The following ST6GALNAC5 variants were observed in gnomAD, a reference collection of about 807,000 sequenced individuals.
ST6GALNAC5 encodes alpha-N-acetylgalactosaminide alpha-2,6-sialyltransferase 5.
In ST6GALNAC5, 27 loss-of-function variants were observed where a neutral mutation model predicts 33.6. The observed-to-expected ratio is 0.80, with a 90% CI of 0.59 to 1.11. The LOEUF (loss-of-function observed/expected upper bound fraction) is 1.11, where lower values mean the gene tolerates loss of function less well. ST6GALNAC5 is among the 50% of genes least tolerant of loss of function. The pLI is 0.00. For synonymous variants in ST6GALNAC5, 194 were observed against 171.2 expected (o/e 1.13, Z -1.04); for missense variants, 428 against 454.0 (o/e 0.94, Z 0.52).
At chr1:76,889,152 A>G (rs2100246145) in intron 2 of ST6GALNAC5, among the ~76,000 whole-genome samples, 1 of 152,192 alleles carries the variant, frequency 6.6e-6, no homozygotes, top group African/African-American at 2.4e-5. Flanking sequence ...GATTTAATTA[A>G]TATCTTTATC....
At chr1:76,908,341 T>C (rs980516096) in intron 2 of ST6GALNAC5, among the ~76,000 whole-genome samples, 6 of 152,096 alleles carry the variant, frequency 3.9e-5, no homozygotes, top group African/African-American at 1.2e-4. Flanking sequence ...CCTCACATAG[T>C]GGAAGGGGCA....
chr1:76,932,303 G>T (rs1378946043), intron 2 of ST6GALNAC5, among the ~76,000 whole-genome samples: 2 of 152,106 alleles, frequency 1.3e-5, no homozygotes, highest in African/African-American at 4.8e-5. Flanking sequence ...GCATCACAAA[G>T]AATTAGCTTG....
chr1:76,972,811 TACCTATCCTCAC>T (rs1321341915), intron 2 of ST6GALNAC5, among the ~76,000 whole-genome samples: 1 of 152,212 alleles, frequency 6.6e-6, no homozygotes, highest in Non-Finnish European at 1.5e-5. Flanking sequence ...TGCTTATTTT[TACCTATCCTCAC>T]CCACAGTGCC....
At chr1:77,034,289 C>T (rs781049005) in intron 2 of ST6GALNAC5, among the ~76,000 whole-genome samples, 4 of 152,064 alleles carry the variant, frequency 2.6e-5, no homozygotes, top group Non-Finnish European at 5.9e-5. Flanking sequence ...CAATCTCTGC[C>T]TCTGTCATCA....
chr1:76,903,539 C>T (rs1646837450), intron 2 of ST6GALNAC5, among the ~76,000 whole-genome samples: 1 of 152,114 alleles, frequency 6.6e-6, no homozygotes, highest in East Asian at 1.9e-4. Context: ...TAGGTATATG[C>T]CAATATAAAT....
intron 3 of ST6GALNAC5, among the ~76,000 whole-genome samples, chr1:77,046,689 G>T (rs768300101): frequency 6.6e-6 from 1 of 152,156 alleles, no homozygotes; most frequent in African/African-American, 2.4e-5. Context: ...ATTTTATAAG[G>T]AATCAAGAAG....
At chr1:76,964,116 C>T (rs904634550) in intron 2 of ST6GALNAC5, among the ~76,000 whole-genome samples, 1 of 152,074 alleles carries the variant, frequency 6.6e-6, no homozygotes, top group East Asian at 1.9e-4. Flanking sequence ...CCCAGTGAGG[C>T]CTGCTTTGGA....
intron 2 of ST6GALNAC5, among the ~76,000 whole-genome samples, chr1:76,905,263 A>G (rs962275786): frequency 6.6e-6 from 1 of 152,178 alleles, no homozygotes; most frequent in Admixed American, 6.5e-5. Context: ...CAAGAGTCAC[A>G]GTTACGGGGC....
At chr1:76,989,199 A>G (rs552227064) in intron 2 of ST6GALNAC5, among the ~76,000 whole-genome samples, 1 of 152,106 alleles carries the variant, frequency 6.6e-6, no homozygotes, top group East Asian at 1.9e-4. Flanking sequence ...CAACTTTGCC[A>G]TTCTCAACCT....
intron 2 of ST6GALNAC5, among the ~76,000 whole-genome samples, chr1:76,889,886 C>T (rs547204954): frequency 2.0e-5 from 3 of 152,122 alleles, no homozygotes; most frequent in South Asian, 2.1e-4. Flanking sequence ...GTATCTTCTT[C>T]TTTATATACA....
chr1:76,928,179 C>T (rs1647103588), intron 2 of ST6GALNAC5, among the ~76,000 whole-genome samples: 1 of 152,118 alleles, frequency 6.6e-6, no homozygotes, highest in African/African-American at 2.4e-5. Flanking sequence ...TTACTACCAC[C>T]TCTATTGTTT....
chr1:76,884,027 T>C (rs529117319), intron 2 of ST6GALNAC5, among the ~76,000 whole-genome samples: 1 of 152,308 alleles, frequency 6.6e-6, no homozygotes, highest in South Asian at 2.1e-4. Context: ...TGTGTGCCAG[T>C]GGATCACCCT....
At chr1:77,002,043 T>A (rs1452247481) in intron 2 of ST6GALNAC5, among the ~76,000 whole-genome samples, 1 of 152,164 alleles carries the variant, frequency 6.6e-6, no homozygotes, top group Non-Finnish European at 1.5e-5. Context: ...TTCTATTGAT[T>A]GGAATAGTTT....
intron 2 of ST6GALNAC5, among the ~76,000 whole-genome samples, chr1:76,959,181 A>G (rs916074123): frequency 2.1e-4 from 32 of 152,302 alleles, no homozygotes; most frequent in African/African-American, 7.7e-4. Flanking sequence ...TTTATTTGCT[A>G]TCCTTGTTCA....
rs138247200 is a variant in ST6GALNAC5, at chr1:77,052,191, A to G, written c.779+1826A>G. 2.6e-5 allele frequency among the ~76,000 whole-genome samples: 4 copies of G among 152,364 alleles called. No individual in the cohort carries two copies. The East Asian group carries it at 7.7e-4, about 29-fold the overall frequency. ...GCAAGAACTCTTCAAAAGGACCCCT[A>G]CGCCCAAGTTCTGTCAGAGAAGTGA... On this transcript the variant is annotated intron_variant, in intron 4 of 4. Transcript: ENST00000477717.
intron 2 of ST6GALNAC5, among the ~76,000 whole-genome samples, chr1:76,957,579 T>C (rs1447789459): frequency 6.6e-6 from 1 of 152,144 alleles, no homozygotes; most frequent in Non-Finnish European, 1.5e-5. Context: ...ATTCGTTTTA[T>C]TTTTAACTCC....
chr1:77,042,584 A>G (rs970719704), intron 2 of ST6GALNAC5, among the ~76,000 whole-genome samples: 5 of 152,212 alleles, frequency 3.3e-5, no homozygotes, highest in Middle Eastern at 3.4e-3. Context: ...TACTTTATGG[A>G]CCCCTGCATT....
chr1:76,896,887 A>T (rs1383741524), intron 2 of ST6GALNAC5, among the ~76,000 whole-genome samples: 1 of 152,194 alleles, frequency 6.6e-6, no homozygotes, highest in African/African-American at 2.4e-5. Context: ...AGGCTAAAAC[A>T]GTAAGGTCAA....
intron 2 of ST6GALNAC5, among the ~76,000 whole-genome samples, chr1:77,009,687 CT>C (rs974997296): frequency 6.6e-6 from 1 of 152,074 alleles, no homozygotes; most frequent in African/African-American, 2.4e-5. Context: ...TATTTCTCTC[CT>C]TGCGCTTTGT....
Sources: gnomAD v4.1 joint callset for allele counts (sites outside exome capture counted in the v4.1 genomes callset) on GRCh38, gnomAD v4.1.1 for gene constraint, MANE v1.5 for transcripts, NCBI Gene and HGNC (gene_info 2026-07-23, HGNC 2026-07-21) for gene names.